Variants in KCNC1 observed in about 807,000 individuals in gnomAD.
KCNC1 encodes the protein potassium voltage-gated channel subfamily C member 1.
In KCNC1, 8 loss-of-function variants were observed where a neutral mutation model predicts 43.4. That is an observed-to-expected ratio of 0.18 (90% CI 0.11 to 0.33). KCNC1 has a LOEUF of 0.33. Among genes scored for constraint, KCNC1 ranks in the 10% least tolerant of loss-of-function variants. KCNC1 has a pLI of 1.00. For missense variants in KCNC1, 420 were observed against 836.0 expected (o/e 0.50, Z 6.14); for synonymous variants, 361 against 360.5 (o/e 1.00, Z -0.01).
chr11:17,777,368 T>A lies in KCNC1; in HGVS notation c.1505-2088T>A, dbSNP rs1423462970. 4.1e-6 allele frequency: 4 copies of A among 985,708 alleles called. No individual in the cohort carries two copies. The highest frequency in any genetic ancestry group is 1.7e-5 in the African/African-American group (1 of 57,206). The allele number at this position is 985,708 out of a possible 1,614,324, so 61.1% of individuals were successfully genotyped here. ...TCACTCCCCTCCCAGAAGGAGACGC[T>A]GCCTGGGAGGACCCACTGTTCTCCC... is the stretch of plus-strand genomic sequence containing the variant. On this transcript the variant is annotated intron_variant, in intron 2 of 3. Coordinates refer to ENST00000265969, the MANE Select transcript of KCNC1 (RefSeq NM_001112741.2). The surrounding 1 kb of genome is among the most constrained non-coding windows in gnomAD (Gnocchi z 4.3).
Position 17,736,673 on chromosome 11 carries a change from C to A in KCNC1, c.570+101C>A. On this transcript the variant is annotated intron_variant, in intron 1 of 3. Coordinates refer to ENST00000265969, the MANE Select transcript of KCNC1 (RefSeq NM_001112741.2). This position sits in a 1 kb window ranked among gnomAD's most constrained non-coding sequence, Gnocchi z 9.3. The stretch of plus-strand genomic sequence containing the variant: ...CCGGAGAACTGGCGCCTAGGGAGTT[C>A]AGAATCGAAAGGGGGTGTGTGCGCA... 7.0e-7 allele frequency: 1 copy of A among 1,435,798 alleles called. No homozygotes were observed. The highest frequency in any genetic ancestry group is 1.5e-5 in the South Asian group (1 of 67,414). The allele number at this position is 1,435,798 out of a possible 1,614,324, so 88.9% of individuals were successfully genotyped here.
chr11:17,763,527 ACC>A (rs1849101580), intron 1 of KCNC1, among the ~76,000 whole-genome samples: 1 of 145,572 alleles, frequency 6.9e-6, no homozygotes, highest in South Asian at 2.2e-4. Context: ...CAATGCACAC[ACC>A]CACACCCACA....
Position 17,734,807 on chromosome 11 carries a change from C to CGAGCAGCAAGCG in KCNC1, c.-1187_-1176dup, listed in dbSNP as rs1848743323. ...ACCGCGCGAACGAGCAGGCGACGGGCGAGCAGCAAGCGGAGCAGCAGCCCG... is the reference window on the plus strand; with the variant it reads ...ACCGCGCGAACGAGCAGGCGACGGGCGAGCAGCAAGCGGAGCAGCAAGCGGAGCAGCAGCCCG... On this transcript the variant is annotated 5_prime_UTR_variant, in exon 1 of 4. Coordinates refer to ENST00000265969, the MANE Select transcript of KCNC1 (RefSeq NM_001112741.2). 1.3e-5 allele frequency: 2 copies of CGAGCAGCAAGCG among 151,378 alleles called. No homozygotes were observed. Among genetic ancestry groups the CGAGCAGCAAGCG allele is most frequent in the South Asian group, 3.8e-4 (2 of 5,206 alleles). 9.4% of individuals were successfully genotyped at this position (151,378 alleles called of 1,614,324 possible).
intron 1 of KCNC1, among the ~76,000 whole-genome samples, chr11:17,749,882 C>A (rs1479601584): frequency 1.3e-5 from 2 of 152,248 alleles, no homozygotes; most frequent in Non-Finnish European, 2.9e-5. Flanking sequence ...TCACCAGCTT[C>A]TCAGCGGTGT....
At position 17,739,201 on chromosome 11, in the gene KCNC1, G is replaced by A. The variant is rs1285542925; in HGVS notation, c.570+2629G>A. Among the ~76,000 whole-genome samples, 4 of 152,338 alleles carry A rather than the reference G, an allele frequency of 2.6e-5. No individual in the cohort carries two copies. Among genetic ancestry groups the A allele is most frequent in the South Asian group, 4.1e-4 (2 of 4,822 alleles). ...GAGACTCCTCACACCAGCGGGTCGG[G>A]ACTTAAGTCGTTATTCTAGATCTAG... On this transcript the variant is annotated intron_variant, in intron 1 of 3. Coordinates refer to ENST00000265969, the MANE Select transcript of KCNC1 (RefSeq NM_001112741.2). The surrounding 1 kb of genome is among the most constrained non-coding windows in gnomAD (Gnocchi z 4.2).
intron 1 of KCNC1, among the ~76,000 whole-genome samples, chr11:17,749,046 C>T (rs944872420): frequency 7.2e-5 from 11 of 152,214 alleles, no homozygotes; most frequent in Admixed American, 7.2e-4. Flanking sequence ...AGGGTTCTCA[C>T]TGCAGGTGTG....
At chr11:17,764,260 C>T (rs1192888972) in intron 1 of KCNC1, among the ~76,000 whole-genome samples, 1 of 128,698 alleles carries the variant, frequency 7.8e-6, no homozygotes, top group Admixed American at 7.0e-5. Flanking sequence ...CACACACACA[C>T]CACCGCACAC....
At chr11:17,743,338 G>A (rs1374258072) in intron 1 of KCNC1, among the ~76,000 whole-genome samples, 1 of 152,198 alleles carries the variant, frequency 6.6e-6, no homozygotes, top group African/African-American at 2.4e-5. Context: ...TGAGGCCTGT[G>A]GCTTGCTGTG....
chr11:17,774,553 A>C (rs1484321532), intron 2 of KCNC1: 1 of 985,508 alleles, frequency 1.0e-6, no homozygotes, highest in Non-Finnish European at 1.2e-6. Context: ...GTTTGTTCAG[A>C]CATGCACACC....
In KCNC1 at chr11:17,779,395, C is replaced by T; in HGVS notation, c.1505-61C>T. The T allele has an allele frequency of 3.0e-6, 4 of 1,351,632 alleles. No individual in the cohort carries two copies. The highest frequency in any genetic ancestry group is 3.5e-5 in the Admixed American group (1 of 28,958). 83.7% of individuals were successfully genotyped at this position (1,351,632 alleles called of 1,614,324 possible). A position where few individuals can be genotyped will look rare whatever the true frequency, so the allele number is the denominator to read the frequency against. On this transcript the variant is annotated intron_variant, in intron 2 of 3. Transcript: ENST00000265969. This position sits in a 1 kb window ranked among gnomAD's most constrained non-coding sequence, Gnocchi z 7.2. ...CCAATACCCCGCTTCTGGCCTGTCC[C>T]CCCCTGCCCCCCACTAAACAGTTTT... is the stretch of plus-strand genomic sequence containing the variant.
intron 1 of KCNC1, among the ~76,000 whole-genome samples, chr11:17,763,392 G>C (rs180844756): frequency 6.0e-4 from 92 of 152,078 alleles, no homozygotes; most frequent in African/African-American, 2.1e-3. Flanking sequence ...CCTGGGTTGA[G>C]TCTCGGCTCA....
At chr11:17,744,002 C>T (rs1182194757) in intron 1 of KCNC1, among the ~76,000 whole-genome samples, 1 of 152,072 alleles carries the variant, frequency 6.6e-6, no homozygotes, top group Non-Finnish European at 1.5e-5. Flanking sequence ...GGCGGGCCCT[C>T]AGGATTAGAG....
chr11:17,754,350 T>C (rs1849000831), intron 1 of KCNC1, among the ~76,000 whole-genome samples: 1 of 152,222 alleles, frequency 6.6e-6, no homozygotes. Flanking sequence ...TTTTTACCAG[T>C]GTAGCGCTTC....
At chr11:17,751,727 A>T (rs1272275367) in intron 1 of KCNC1, among the ~76,000 whole-genome samples, 1 of 152,218 alleles carries the variant, frequency 6.6e-6, no homozygotes, top group Non-Finnish European at 1.5e-5. Context: ...AGGCAGAGTC[A>T]TGTGGCCGGC....
At chr11:17,775,266 T>C (rs2133807476) in intron 2 of KCNC1, 1 of 985,530 alleles carries the variant, frequency 1.0e-6, no homozygotes, top group East Asian at 1.1e-4. Context: ...TGTGGCACGC[T>C]GGGTTCTGAG....
rs1410730533 is a variant in KCNC1 at position 17,781,875 on chromosome 11, G to C, written c.*141G>C. ...AGTGGCCCAGGCATTGTACTAGGAC[G>C]GACGTAGCTTTTTCTACGGCCAAAT... On this transcript the variant is annotated 3_prime_UTR_variant, in exon 4 of 4. Coordinates refer to ENST00000265969, the MANE Select transcript of KCNC1 (RefSeq NM_001112741.2). The surrounding 1 kb of genome is among the most constrained non-coding windows in gnomAD (Gnocchi z 5.1). 2 of 516,424 alleles carry C rather than the reference G, an allele frequency of 3.9e-6. No individual in the cohort carries two copies. The highest frequency in any genetic ancestry group is 6.5e-5 in the East Asian group (2 of 30,978). The allele number at this position is 516,424 out of a possible 1,614,324, so 32.0% of individuals were successfully genotyped here.
rs1849350070 is a variant in KCNC1 at position 17,781,910 on chromosome 11, C to T, written c.*176C>T. 2 of 464,852 alleles carry T rather than the reference C, an allele frequency of 4.3e-6. No individual in the cohort carries two copies. Among genetic ancestry groups the T allele is most frequent in the Admixed American group, 4.1e-5 (1 of 24,630 alleles). The allele number at this position is 464,852 out of a possible 1,614,324, so 28.8% of individuals were successfully genotyped here. A position where few individuals can be genotyped will look rare whatever the true frequency, so the allele number is the denominator to read the frequency against. On this transcript the variant is annotated 3_prime_UTR_variant, in exon 4 of 4. Transcript: ENST00000265969. The surrounding 1 kb of genome is among the most constrained non-coding windows in gnomAD (Gnocchi z 5.1). ...TTTTCTACGGCCAAATGGTAACTGA[C>T]CGTAGAGGATTTCTTTTCCTTCTTT...
chr11:17,749,267 A>T (rs757516), intron 1 of KCNC1, among the ~76,000 whole-genome samples: 6 of 152,192 alleles, frequency 3.9e-5, no homozygotes, highest in African/African-American at 1.4e-4. Flanking sequence ...CTGCACTGCG[A>T]GCACTGGTGC....
Position 17,736,101 on chromosome 11 carries a change from G to A in KCNC1, c.99G>A (p.Arg33=), listed in dbSNP as rs778368338. 1 of 1,608,758 alleles carries A rather than the reference G, an allele frequency of 6.2e-7. No homozygotes were observed. Residue 33 remains arginine (R), a synonymous_variant, in exon 1 of 4, where the codon CGG becomes CGA. Transcript: ENST00000265969. The surrounding 1 kb of genome is among the most constrained non-coding windows in gnomAD (Gnocchi z 9.3). Reference sequence around the variant, plus strand: ...CCCTGCGCACGCTGCCCGGCACGCGGCTCGCCTGGCTGGCGGAGCCCGACG... The same window carrying A: ...CCCTGCGCACGCTGCCCGGCACGCGACTCGCCTGGCTGGCGGAGCCCGACG... The part of the protein sequence containing the change: ...RSTLRTLPGT[R]LAWLAEPDAH...
Sources: gnomAD v4.1 joint callset for allele counts (sites outside exome capture counted in the v4.1 genomes callset) on GRCh38, gnomAD v4.1.1 for gene constraint, Gnocchi (gnomAD v3.1) non-coding constraint, MANE v1.5 for transcripts, NCBI Gene and HGNC (gene_info 2026-07-23, HGNC 2026-07-21) for gene names.